Variants in FRAS1 observed in about 807,000 individuals in gnomAD.
The protein encoded by FRAS1 is Fraser extracellular matrix complex subunit 1.
Under a neutral mutation model 435.2 loss-of-function variants are expected in FRAS1, and 290 were observed. The ratio of observed to expected loss-of-function variants is 0.67; its 90% CI spans 0.61 to 0.73. The LOEUF (loss-of-function observed/expected upper bound fraction) is 0.73. Among genes scored for constraint, FRAS1 ranks in the 30% least tolerant of loss-of-function variants. The pLI is 0.00. For missense variants in FRAS1, 4,860 were observed against 5,001.5 expected, an observed-to-expected ratio of 0.97 and a Z score of 0.85; for synonymous variants, 1,800 against 1,851.0, an observed-to-expected ratio of 0.97 and a Z score of 0.71.
chr4:78,145,615 C>T (rs1227525392), intron 2 of FRAS1, among the ~76,000 whole-genome samples: 1 of 152,092 alleles, frequency 6.6e-6, no homozygotes, highest in Non-Finnish European at 1.5e-5. Context: ...CCTCAATGAG[C>T]TCAGCAAACA....
chr4:78,486,752 GTCT>G (rs1296809544), intron 58 of FRAS1, among the ~76,000 whole-genome samples: 2 of 151,934 alleles, frequency 1.3e-5, no homozygotes, highest in Non-Finnish European at 2.9e-5. Flanking sequence ...CTGGTCTGGG[GTCT>G]TCTTAAAGGG....
Position 78,418,932 on chromosome 4 carries a change from T to C in FRAS1, c.4426-17T>C. The C allele has an allele frequency of 6.8e-7, 1 of 1,474,922 alleles. No homozygotes were observed. The highest frequency in any genetic ancestry group is 1.4e-5 in the African/African-American group (1 of 71,458). The allele number at this position is 1,474,922 out of a possible 1,614,324, so 91.4% of individuals were successfully genotyped here. Reference sequence around the variant, plus strand: ...TTTCATACCATGTGTTCCTCTTCCTTCTTAAACTTTGTTTAGGCTAGAGAA... The same window carrying C: ...TTTCATACCATGTGTTCCTCTTCCTCCTTAAACTTTGTTTAGGCTAGAGAA... On this transcript the variant is annotated splice_polypyrimidine_tract_variant and intron_variant, in intron 32 of 73. Coordinates refer to ENST00000512123, the MANE Select transcript of FRAS1 (RefSeq NM_025074.7).
At chr4:78,254,303 G>A (rs900275642) in intron 5 of FRAS1, among the ~76,000 whole-genome samples, 1 of 152,138 alleles carries the variant, frequency 6.6e-6, no homozygotes, top group Non-Finnish European at 1.5e-5. Context: ...CAACTGGAAG[G>A]TACACTCTAT....
intron 37 of FRAS1, among the ~76,000 whole-genome samples, chr4:78,431,496 T>G (rs1734220114): frequency 1.3e-5 from 2 of 152,176 alleles, no homozygotes. Context: ...GCTTAGAAGA[T>G]GAATAGACAG....
intron 63 of FRAS1, 142 bp from the exon 64 acceptor site, chr4:78,511,132 A>C (rs11727770): frequency 0.47 from 328,781 of 705,320 alleles, 78,129 homozygotes; most frequent in South Asian, 0.57. Context: ...AAAGTCAATA[A>C]TTACGTGATG....
At chr4:78,481,011 A>C (rs1205879406) in intron 56 of FRAS1, among the ~76,000 whole-genome samples, 3 of 152,244 alleles carry the variant, frequency 2.0e-5, no homozygotes, top group Non-Finnish European at 4.4e-5. Flanking sequence ...AGCAGCTAAT[A>C]AAATGGCAAG....
In FRAS1 at chr4:78,496,426, C is replaced by A. The variant is rs968622577; in HGVS notation, c.8959-379C>A. Among the ~76,000 whole-genome samples, 4 of 152,290 alleles carry A rather than the reference C, an allele frequency of 2.6e-5. No homozygotes were observed. The East Asian group carries it at 5.8e-4, about 22-fold the overall frequency. Reference sequence around the variant, plus strand: ...CAGGAAGTTTAATCAGTATGTTAAACCCCCGTCATCAGAAATCTACCTATT... The same window carrying A: ...CAGGAAGTTTAATCAGTATGTTAAAACCCCGTCATCAGAAATCTACCTATT... On this transcript the variant is annotated intron_variant, in intron 59 of 73. Transcript: ENST00000512123.
At chr4:78,341,605 G>A (rs1324126172) in intron 20 of FRAS1, among the ~76,000 whole-genome samples, 2 of 152,188 alleles carry the variant, frequency 1.3e-5, no homozygotes, top group South Asian at 4.1e-4. Context: ...AATGGTCTGA[G>A]TGGCAATTTC....
chr4:78,217,489 G>T (rs958842290), intron 2 of FRAS1, among the ~76,000 whole-genome samples: 2 of 152,092 alleles, frequency 1.3e-5, no homozygotes, highest in Non-Finnish European at 2.9e-5. Context: ...AGGTGAGAGT[G>T]CCCTGGACCA....
intron 26 of FRAS1, 74 bp downstream of exon 26, chr4:78,375,953 T>C: frequency 6.6e-7 from 1 of 1,526,188 alleles, no homozygotes; most frequent in South Asian, 1.2e-5. Context: ...TTTGCAGACA[T>C]AATTGACTTA....
At chr4:78,198,541 A>T (rs963941507) in intron 2 of FRAS1, among the ~76,000 whole-genome samples, 1 of 152,128 alleles carries the variant, frequency 6.6e-6, no homozygotes, top group Non-Finnish European at 1.5e-5. Context: ...TCAGCATTCA[A>T]TTGGAATGCT....
intron 26 of FRAS1, among the ~76,000 whole-genome samples, chr4:78,376,242 A>G (rs1456004570): frequency 1.3e-5 from 2 of 152,238 alleles, no homozygotes; most frequent in African/African-American, 4.8e-5. Flanking sequence ...TGCATCATTA[A>G]GCAGTTTCAT....
Position 78,058,024 on chromosome 4 carries a change from A to T in FRAS1, c.15A>T (p.Lys5Asn). 1 of 1,613,868 alleles carries T rather than the reference A, an allele frequency of 6.2e-7. No individual in the cohort carries two copies. Among genetic ancestry groups the T allele is most frequent in the Non-Finnish European group, 8.5e-7 (1 of 1,179,840 alleles). Residue 5 changes from lysine (K) to asparagine (N), a missense_variant, in exon 1 of 74, where the codon AAA (lysine) becomes AAT (asparagine). Lys to Asn is a moderately conservative substitution (Grantham distance 94). Coordinates refer to ENST00000512123, the MANE Select transcript of FRAS1 (RefSeq NM_025074.7). MGVL[K>N]VWLGLALALA... ...CCGAGGCGGCGATGGGTGTCCTCAA[A>T]GTGTGGCTCGGGCTGGCCCTAGCGT...
At position 78,278,716 on chromosome 4, in the gene FRAS1, A is replaced by G; in HGVS notation, c.1043A>G (p.Tyr348Cys). ...CCTGAATGCATTTCAAGGAATGGTT[A>G]TTGTGTTTATGAAGAAACTGGAGAA... is the stretch of plus-strand genomic sequence containing the variant. Reference protein sequence around the residue: ...CCPECISRNGYCVYEETGEFM... With the variant: ...CCPECISRNGCCVYEETGEFM... Residue 348 changes from tyrosine (Y) to cysteine (C), a missense_variant, in exon 10 of 74, where the codon TAT becomes TGT. Coordinates refer to ENST00000512123, the MANE Select transcript of FRAS1 (RefSeq NM_025074.7). 6.2e-7 allele frequency: 1 copy of G among 1,602,892 alleles called. No individual in the cohort carries two copies. Among genetic ancestry groups the G allele is most frequent in the Non-Finnish European group, 8.5e-7 (1 of 1,170,646 alleles).
At chr4:78,129,373 C>A (rs1014228386) in intron 2 of FRAS1, among the ~76,000 whole-genome samples, 2 of 152,130 alleles carry the variant, frequency 1.3e-5, no homozygotes, top group African/African-American at 4.8e-5. Context: ...GTTGATTAGG[C>A]GATTGCATTT....
chr4:78,178,247 T>C (rs1721857749), intron 2 of FRAS1, among the ~76,000 whole-genome samples: 1 of 152,058 alleles, frequency 6.6e-6, no homozygotes, highest in African/African-American at 2.4e-5. Context: ...TACCCAATGA[T>C]TGGCATTTTT....
intron 4 of FRAS1, among the ~76,000 whole-genome samples, chr4:78,249,064 C>CATATATATATATATATATATATAT (rs200267733): frequency 3.6e-4 from 6 of 16,620 alleles, no homozygotes; most frequent in African/African-American, 6.3e-4. Flanking sequence ...TATATATATG[C>CATATATATATATATATATATATAT]ATATATATAT....
In FRAS1 at chr4:78,282,818, A is replaced by G; in HGVS notation, c.1108-2A>G. Reference sequence around the variant, plus strand: ...AATGCTGTTCTTCACTTTTTTGCGTAGGAGGGAGAGAAGTGGGAAGATGGC... The same window carrying G: ...AATGCTGTTCTTCACTTTTTTGCGTGGGAGGGAGAGAAGTGGGAAGATGGC... On this transcript the variant is annotated splice_acceptor_variant, in intron 11 of 73. Transcript: ENST00000512123. LOFTEE classifies it high-confidence loss of function. The G allele has an allele frequency of 6.2e-7, 1 of 1,612,876 alleles. No homozygotes were observed. The highest frequency in any genetic ancestry group is 8.5e-7 in the Non-Finnish European group (1 of 1,179,596).
chr4:78,291,572 G>A (rs543151350), intron 14 of FRAS1, among the ~76,000 whole-genome samples: 1 of 152,250 alleles, frequency 6.6e-6, no homozygotes, highest in South Asian at 2.1e-4. Context: ...CTTCATATAA[G>A]TTTAGAGACT....
Sources: gnomAD v4.1 joint callset for allele counts (sites outside exome capture counted in the v4.1 genomes callset) on GRCh38, gnomAD v4.1.1 for gene constraint, MANE v1.5 for transcripts, NCBI Gene and HGNC (gene_info 2026-07-23, HGNC 2026-07-21) for gene names.